Variants in SOX6 observed in about 807,000 individuals in gnomAD.
The protein encoded by SOX6 is SRY-box transcription factor 6.
SOX6 carries 11 observed loss-of-function variants against 97.8 expected under a neutral mutation model. The observed-to-expected ratio is 0.11, with a 90% CI of 0.07 to 0.19. The LOEUF is 0.19. SOX6 is among the 10% of genes least tolerant of loss of function. The probability of loss-of-function intolerance (pLI) is 1.00; values close to 1 mark genes in which losing one functional copy is unlikely to be tolerated. For synonymous variants in SOX6, 360 were observed against 371.4 expected, an observed-to-expected ratio of 0.97 and a Z score of 0.35; for missense variants, 810 against 1,039.5, an observed-to-expected ratio of 0.78 and a Z score of 3.04.
At chr11:16,048,271 C>A (rs112517956) in intron 11 of SOX6, among the ~76,000 whole-genome samples, 2 of 152,284 alleles carry the variant, frequency 1.3e-5, no homozygotes, top group African/African-American at 4.8e-5. Flanking sequence ...TTAATTCTAT[C>A]TTCTATATGG....
chr11:16,062,129 T>C (rs926296419), intron 9 of SOX6, among the ~76,000 whole-genome samples: 2 of 151,692 alleles, frequency 1.3e-5, no homozygotes, highest in Non-Finnish European at 3.0e-5. Flanking sequence ...AGAATACTTT[T>C]GCAAATGGCC....
At chr11:16,331,363 T>C (rs1222050706) in intron 2 of SOX6, among the ~76,000 whole-genome samples, 1 of 152,170 alleles carries the variant, frequency 6.6e-6, no homozygotes, top group Non-Finnish European at 1.5e-5. Flanking sequence ...AGTTAAGTCC[T>C]TTCAAGGCCC....
At chr11:16,713,046 A>C (rs375780721) in intron 3 of SOX6, among the ~76,000 whole-genome samples, 16 of 152,328 alleles carry the variant, frequency 1.1e-4, no homozygotes, top group African/African-American at 1.9e-4. Flanking sequence ...ATCCAGAAAG[A>C]CAAGTGATTT....
chr11:16,265,965 G>C (rs754445459), intron 3 of SOX6, among the ~76,000 whole-genome samples: 7 of 151,630 alleles, frequency 4.6e-5, no homozygotes, highest in Non-Finnish European at 1.0e-4. Context: ...ATATCAAGTG[G>C]TCTAATATAT....
intron 3 of SOX6, among the ~76,000 whole-genome samples, chr11:16,615,809 G>T (rs1393576744): frequency 1.3e-5 from 2 of 152,256 alleles, no homozygotes; most frequent in African/African-American, 4.8e-5. Flanking sequence ...ACATCCAGAT[G>T]AAAAGTGAAA....
chr11:16,057,790 C>A (rs1257845377), intron 9 of SOX6, among the ~76,000 whole-genome samples: 1 of 152,088 alleles, frequency 6.6e-6, no homozygotes, highest in South Asian at 2.1e-4. Flanking sequence ...GAAAATAATT[C>A]TGCCTCAGAA....
chr11:16,299,441 G>A (rs1340667608), intron 3 of SOX6, among the ~76,000 whole-genome samples: 1 of 152,126 alleles, frequency 6.6e-6, no homozygotes, highest in Non-Finnish European at 1.5e-5. Context: ...ATAAAAAACG[G>A]GGGAGGGGTG....
intron 1 of SOX6, among the ~76,000 whole-genome samples, chr11:16,396,183 T>C (rs536710705): frequency 6.6e-6 from 1 of 151,842 alleles, no homozygotes; most frequent in Non-Finnish European, 1.5e-5. Context: ...TTCCAACAAG[T>C]ACAGAGTTAA....
At chr11:16,139,874 A>T (rs1850081378) in intron 6 of SOX6, among the ~76,000 whole-genome samples, 1 of 150,896 alleles carries the variant, frequency 6.6e-6, no homozygotes, top group African/African-American at 2.4e-5. Context: ...CCAATATAAT[A>T]CCACAGAGTT....
chr11:16,430,370 C>T (rs906350854), intron 1 of SOX6, among the ~76,000 whole-genome samples: 17 of 151,988 alleles, frequency 1.1e-4, no homozygotes, highest in African/African-American at 4.1e-4. Flanking sequence ...CATCCAAGAC[C>T]CCATCATCTT....
intron 3 of SOX6, among the ~76,000 whole-genome samples, chr11:16,684,286 G>A (rs1847951649): frequency 6.6e-6 from 1 of 152,194 alleles, no homozygotes; most frequent in Admixed American, 6.5e-5. Flanking sequence ...GCACAAGTAT[G>A]TATATTATGG....
intron 9 of SOX6, among the ~76,000 whole-genome samples, chr11:16,061,534 A>G (rs1847955111): frequency 6.6e-6 from 1 of 151,936 alleles, no homozygotes; most frequent in South Asian, 2.1e-4. Context: ...ATCAAATTAG[A>G]AAAAACAATC....
intron 6 of SOX6, among the ~76,000 whole-genome samples, chr11:16,179,012 C>CA (rs1301778037): frequency 1.3e-5 from 2 of 151,602 alleles, no homozygotes; most frequent in African/African-American, 2.4e-5. Flanking sequence ...ATTATGCTAG[C>CA]AAAAAATTAA....
At chr11:16,475,861 C>T (rs552212947) in intron 1 of SOX6, among the ~76,000 whole-genome samples, 1 of 152,264 alleles carries the variant, frequency 6.6e-6, no homozygotes, top group African/African-American at 2.4e-5. Flanking sequence ...TGTACATTAT[C>T]TCCTCATGTG....
intron 13 of SOX6, among the ~76,000 whole-genome samples, chr11:15,999,589 T>C (rs1854336605): frequency 6.6e-6 from 1 of 151,966 alleles, no homozygotes; most frequent in Admixed American, 6.6e-5. Context: ...ATCCAACAAA[T>C]AAAATGCTCT....
At chr11:16,448,064 G>C (rs7105886) in intron 1 of SOX6, among the ~76,000 whole-genome samples, 1 of 152,194 alleles carries the variant, frequency 6.6e-6, no homozygotes, top group African/African-American at 2.4e-5. Context: ...GGATGCTTAT[G>C]AGTTTGACTT....
At chr11:16,126,845 AAT>A (rs1341068632) in intron 6 of SOX6, among the ~76,000 whole-genome samples, 8 of 152,252 alleles carry the variant, frequency 5.3e-5, no homozygotes, top group African/African-American at 1.9e-4. Context: ...CATCTATTCC[AAT>A]TTCTCTTTTA....
At position 16,426,031 on chromosome 11, in the gene SOX6, T is replaced by C. The variant is rs570908018; in HGVS notation, c.-5+50284A>G. ...CAGCACTTTGGGAGGCCGAGATGGG[T>C]GGATCACGAGGTCAGGAGATGGAAA... is the stretch of plus-strand genomic sequence containing the variant. On this transcript the variant is annotated intron_variant, in intron 1 of 15. Coordinates refer to the SOX6 transcript ENST00000396356. Among the ~76,000 whole-genome samples, 695 of 150,616 alleles carry C rather than the reference T, an allele frequency of 4.6e-3. 5 individuals are homozygous for C. The highest frequency in any genetic ancestry group is 0.016 in the African/African-American group (673 of 40,992).
intron 3 of SOX6, among the ~76,000 whole-genome samples, chr11:16,639,138 G>A (rs1460600923): frequency 2.0e-5 from 3 of 152,200 alleles, no homozygotes; most frequent in Non-Finnish European, 4.4e-5. Context: ...CATATGGCTA[G>A]CCAGTTTTCC....
Sources: allele counts gnomAD v4.1 joint callset (sites outside exome capture counted in the v4.1 genomes callset), GRCh38; gene constraint gnomAD v4.1.1; transcripts MANE v1.5; gene names NCBI Gene and HGNC (gene_info 2026-07-23, HGNC 2026-07-21).